The following RANBP2 variants were observed in gnomAD, a reference collection of about 807,000 sequenced individuals.
RANBP2 encodes the protein E3 SUMO-protein ligase RanBP2.
RANBP2 carries 57 observed loss-of-function variants against 303.6 expected under a neutral mutation model. That is an observed-to-expected ratio of 0.19 (90% confidence interval 0.15 to 0.23). RANBP2 has a LOEUF of 0.23. Among genes scored for constraint, RANBP2 ranks in the 10% least tolerant of loss-of-function variants. The probability of loss-of-function intolerance (pLI) is 1.00; values close to 1 mark genes in which losing one functional copy is unlikely to be tolerated. For missense variants in RANBP2, 3,138 were observed against 3,780.8 expected (o/e 0.83, Z 4.46); for synonymous variants, 1,167 against 1,301.5 (o/e 0.90, Z 2.23).
the RANBP2 span, among the ~76,000 whole-genome samples, chr2:109,436,250 C>T: frequency 6.6e-6 from 1 of 152,216 alleles, no homozygotes; most frequent in Non-Finnish European, 1.5e-5. Context: ...TATTTCACAT[C>T]GCTGCCTCCA....
At chr2:109,106,096 C>T in the RANBP2 span, among the ~76,000 whole-genome samples, 4 of 150,768 alleles carry the variant, frequency 2.7e-5, no homozygotes, top group Non-Finnish European at 5.9e-5. Flanking sequence ...CTCCTGACCT[C>T]GTGGTCTGCC....
intron 4 of RANBP2, among the ~76,000 whole-genome samples, chr2:108,732,938 C>T (rs1454972302): frequency 6.6e-6 from 1 of 152,204 alleles, no homozygotes; most frequent in Non-Finnish European, 1.5e-5. Context: ...ATTCTCCTGC[C>T]TCAGCCTTCC....
At chr2:109,304,508 C>T in the RANBP2 span, among the ~76,000 whole-genome samples, 1 of 152,168 alleles carries the variant, frequency 6.6e-6, no homozygotes, top group Non-Finnish European at 1.5e-5. Context: ...AGTCTCCTCT[C>T]TCCAACCCCA....
chr2:109,086,190 G>T, the RANBP2 span, among the ~76,000 whole-genome samples: 1 of 152,096 alleles, frequency 6.6e-6, no homozygotes, highest in Admixed American at 6.5e-5. Flanking sequence ...ATGGACACTT[G>T]GGCTGCTTCC....
At chr2:108,760,224 T>C (rs1676630956) in intron 18 of RANBP2, among the ~76,000 whole-genome samples, 2 of 152,220 alleles carry the variant, frequency 1.3e-5, no homozygotes, top group African/African-American at 2.4e-5. Context: ...CTAACCACCT[T>C]ATTAACATTT....
chr2:109,499,623 G>C, the RANBP2 span, among the ~76,000 whole-genome samples: 1 of 152,184 alleles, frequency 6.6e-6, no homozygotes. Context: ...CATAAGGGCC[G>C]AGGGCACAAG....
the RANBP2 span, among the ~76,000 whole-genome samples, chr2:108,943,404 G>A: frequency 6.6e-6 from 1 of 152,188 alleles, no homozygotes; most frequent in Admixed American, 6.5e-5. Context: ...GTTAAATTAT[G>A]TATGAATGGG....
the RANBP2 span, among the ~76,000 whole-genome samples, chr2:109,739,904 A>G: frequency 6.3e-5 from 9 of 142,832 alleles, no homozygotes; most frequent in African/African-American, 1.3e-4. Context: ...TTCTATACCC[A>G]GTTTTTTTTT....
At chr2:108,921,935 G>A in the RANBP2 span, among the ~76,000 whole-genome samples, 4 of 152,206 alleles carry the variant, frequency 2.6e-5, no homozygotes, top group Admixed American at 6.5e-5. Flanking sequence ...GGCTTTCCTC[G>A]GAGCCGGCTT....
At chr2:108,892,803 G>A in the RANBP2 span, among the ~76,000 whole-genome samples, 1 of 152,190 alleles carries the variant, frequency 6.6e-6, no homozygotes, top group Non-Finnish European at 1.5e-5. Context: ...TAGGCAGGCT[G>A]CTTGTCTCCC....
At chr2:109,126,661 A>T in the RANBP2 span, among the ~76,000 whole-genome samples, 1 of 152,350 alleles carries the variant, frequency 6.6e-6, no homozygotes, top group East Asian at 1.9e-4. Context: ...AAGAAAGTGA[A>T]GGGTTGAGTC....
the RANBP2 span, among the ~76,000 whole-genome samples, chr2:108,817,076 A>G: frequency 1.3e-5 from 2 of 152,304 alleles, no homozygotes; most frequent in South Asian, 4.1e-4. Flanking sequence ...GGAGGAAACA[A>G]ACGTTCAAAC....
chr2:108,796,109 C>T, the RANBP2 span, among the ~76,000 whole-genome samples: 4 of 152,166 alleles, frequency 2.6e-5, no homozygotes, highest in East Asian at 3.9e-4. Context: ...AGTGCAGTGG[C>T]GCAATCTCGG....
chr2:109,248,310 C>T, the RANBP2 span, among the ~76,000 whole-genome samples: 141 of 152,274 alleles, frequency 9.3e-4, 1 homozygote, highest in African/African-American at 3.2e-3. Flanking sequence ...TTTTAAAAAT[C>T]TTCCCCACCC....
At chr2:108,800,359 G>A in the RANBP2 span, among the ~76,000 whole-genome samples, 2 of 152,016 alleles carry the variant, frequency 1.3e-5, no homozygotes, top group Non-Finnish European at 2.9e-5. Flanking sequence ...CCACTTCCTG[G>A]GTTCAAGCGA....
At chr2:109,449,630 G>A in the RANBP2 span, 1 of 1,151,336 alleles carries the variant, frequency 8.7e-7, no homozygotes, top group Non-Finnish European at 1.2e-6. Flanking sequence ...AACCAGGCGT[G>A]TGACAGAGAG....
chr2:109,305,574 TAG>T, the RANBP2 span, among the ~76,000 whole-genome samples: 3 of 152,134 alleles, frequency 2.0e-5, no homozygotes, highest in African/African-American at 7.2e-5. Context: ...GTACAAGCAG[TAG>T]AGAGTCTCAG....
the RANBP2 span, among the ~76,000 whole-genome samples, chr2:108,950,473 T>A: frequency 1.3e-5 from 2 of 152,160 alleles, no homozygotes; most frequent in African/African-American, 4.8e-5. Flanking sequence ...TAAGGGCCGA[T>A]GGTGTTTAAC....
At chr2:109,663,858 G>A in the RANBP2 span, among the ~76,000 whole-genome samples, 3 of 152,160 alleles carry the variant, frequency 2.0e-5, no homozygotes, top group African/African-American at 4.8e-5. Flanking sequence ...GTCATTTCCC[G>A]AAATAACCCC....
Sources: gnomAD v4.1 joint callset for allele counts (sites outside exome capture counted in the v4.1 genomes callset) on GRCh38, gnomAD v4.1.1 for gene constraint, MANE v1.5 for transcripts, NCBI Gene and HGNC (gene_info 2026-07-23, HGNC 2026-07-21) for gene names.